Variants in GTF2H4 observed in about 807,000 individuals in gnomAD.
GTF2H4 encodes the protein BTF2 p52.
In GTF2H4, 49 loss-of-function variants were observed where a neutral mutation model predicts 62.2. That is an observed-to-expected ratio of 0.79 (90% CI 0.63 to 1.00). The LOEUF is 1.00. GTF2H4 is among the 50% of genes least tolerant of loss of function. GTF2H4 has a pLI of 0.00. For synonymous variants in GTF2H4, 189 were observed against 233.8 expected, an observed-to-expected ratio of 0.81 and a Z score of 1.75; for missense variants, 479 against 587.8, an observed-to-expected ratio of 0.81 and a Z score of 1.91.
rs895219291 is a variant in GTF2H4, at chr6:30,912,782, G to A, written c.1089+324G>A. On this transcript the variant is annotated intron_variant, in intron 11 of 13. Coordinates refer to ENST00000259895, the MANE Select transcript of GTF2H4 (RefSeq NM_001517.5). This position sits in a 1 kb window ranked among gnomAD's most constrained non-coding sequence, Gnocchi z 4.8. ...GACAGTTCTTACCTCAGGGTTGCCG[G>A]GATAATTCATTGGAAGAATAGGGGC... 1.3e-5 allele frequency among the ~76,000 whole-genome samples: 2 copies of A among 152,042 alleles called. No homozygotes were observed. The highest frequency in any genetic ancestry group is 2.9e-5 in the Non-Finnish European group (2 of 68,002).
rs1299991789 is a variant in GTF2H4, at chr6:30,909,319, G to C, written c.138-116G>C. On this transcript the variant is annotated intron_variant, in intron 2 of 13. Coordinates refer to ENST00000259895, the MANE Select transcript of GTF2H4 (RefSeq NM_001517.5). The surrounding 1 kb of genome is among the most constrained non-coding windows in gnomAD (Gnocchi z 4.3). ...GCTCTAAAGTGTGGAGGCCAAAACA[G>C]CAGGACTGGTAAAGTTGTGCTGGAG... The C allele has an allele frequency of 1.1e-5, 13 of 1,224,700 alleles. No individual in the cohort carries two copies. The South Asian group carries it at 1.4e-4, about 13-fold the overall frequency. 75.9% of individuals were successfully genotyped at this position (1,224,700 alleles called of 1,614,324 possible). A position where few individuals can be genotyped will look rare whatever the true frequency, so the allele number is the denominator to read the frequency against.
At position 30,913,476 on chromosome 6, in the gene GTF2H4, T is replaced by C; in HGVS notation, c.1216+89T>C. 1 of 1,429,664 alleles carries C rather than the reference T, an allele frequency of 7.0e-7. No individual in the cohort carries two copies. Among genetic ancestry groups the C allele is most frequent in the Admixed American group, 2.1e-5 (1 of 47,532 alleles). 88.6% of individuals were successfully genotyped at this position (1,429,664 alleles called of 1,614,324 possible). A position where few individuals can be genotyped will look rare whatever the true frequency, so the allele number is the denominator to read the frequency against. Reference sequence around the variant, plus strand: ...GCATTTTATTTTTTACTTCATGGACTAGGAGAGAAAAGCTGGCAAGACAGT... The same window carrying C: ...GCATTTTATTTTTTACTTCATGGACCAGGAGAGAAAAGCTGGCAAGACAGT... On this transcript the variant is annotated intron_variant, in intron 13 of 13. Coordinates refer to ENST00000259895, the MANE Select transcript of GTF2H4 (RefSeq NM_001517.5). The surrounding 1 kb of genome is among the most constrained non-coding windows in gnomAD (Gnocchi z 4.2).
rs777318019 is a variant in GTF2H4, at chr6:30,913,412, C to A, written c.1216+25C>A. On this transcript the variant is annotated intron_variant, in intron 13 of 13. Coordinates refer to ENST00000259895, the MANE Select transcript of GTF2H4 (RefSeq NM_001517.5). The surrounding 1 kb of genome is among the most constrained non-coding windows in gnomAD (Gnocchi z 4.2). ...GGTGAGTAGCTTCTGGTGGCCAAGT[C>A]TTGGTCATTGGCCAGAGAAAGGGCA... 1 of 1,609,464 alleles carries A rather than the reference C, an allele frequency of 6.2e-7. No homozygotes were observed. Among genetic ancestry groups the A allele is most frequent in the Non-Finnish European group, 8.5e-7 (1 of 1,178,364 alleles).
rs1793777488 is a variant in GTF2H4 at position 30,911,910 on chromosome 6, T to G, written c.826-104T>G. 26 of 1,471,428 alleles carry G rather than the reference T, an allele frequency of 1.8e-5. No homozygotes were observed. In the East Asian group the frequency reaches 5.4e-4, roughly 31 times the overall value. The allele number at this position is 1,471,428 out of a possible 1,614,324, so 91.1% of individuals were successfully genotyped here. ...CTTGGGTCTCTCGGGGGAGAGAAGT[T>G]GGGGGTTGAGGTTCTGCATCTTGGG... On this transcript the variant is annotated intron_variant, in intron 9 of 13. Coordinates refer to ENST00000259895, the MANE Select transcript of GTF2H4 (RefSeq NM_001517.5). The surrounding 1 kb of genome is among the most constrained non-coding windows in gnomAD (Gnocchi z 4.3).
chr6:30,913,723 A>G lies in GTF2H4; in HGVS notation c.1217-88A>G, dbSNP rs1423053699. ...AGCCCAGACCGCGTCCAGGGCTGCC[A>G]CCAAGGAGCTGGGGGGATTCCCAAT... On this transcript the variant is annotated intron_variant, in intron 13 of 13. Coordinates refer to ENST00000259895, the MANE Select transcript of GTF2H4 (RefSeq NM_001517.5). This position sits in a 1 kb window ranked among gnomAD's most constrained non-coding sequence, Gnocchi z 4.2. 6 of 1,295,898 alleles carry G rather than the reference A, an allele frequency of 4.6e-6. No homozygotes were observed. Among genetic ancestry groups the G allele is most frequent in the Non-Finnish European group, 6.3e-6 (6 of 959,142 alleles). 80.3% of individuals were successfully genotyped at this position (1,295,898 alleles called of 1,614,324 possible). A position where few individuals can be genotyped will look rare whatever the true frequency, so the allele number is the denominator to read the frequency against.
In GTF2H4 at chr6:30,912,297, C is replaced by A; in HGVS notation, c.959-31C>A. 6.2e-7 allele frequency: 1 copy of A among 1,611,408 alleles called. No individual in the cohort carries two copies. On this transcript the variant is annotated intron_variant, in intron 10 of 13. Coordinates refer to ENST00000259895, the MANE Select transcript of GTF2H4 (RefSeq NM_001517.5). The surrounding 1 kb of genome is among the most constrained non-coding windows in gnomAD (Gnocchi z 4.8). ...TGAGGGAGTCTGGGTGTGGGGGTGG[C>A]CTCCTCATCCTCTTTCTATCCCTGG...
chr6:30,914,015 GCGGGACTGGGC>G lies in GTF2H4; in HGVS notation c.*33_*43del. ...GGGACTTGGACACGGACCTCGGCGG[GCGGGACTGGGC>G]GGGGCGGGGCATCAGAACTCAGGTG... On this transcript the variant is annotated 3_prime_UTR_variant, in exon 14 of 14. Coordinates refer to ENST00000259895, the MANE Select transcript of GTF2H4 (RefSeq NM_001517.5). 6.6e-7 allele frequency: 1 copy of G among 1,514,240 alleles called. No individual in the cohort carries two copies. Among genetic ancestry groups the G allele is most frequent in the Non-Finnish European group, 9.0e-7 (1 of 1,114,198 alleles). 93.8% of individuals were successfully genotyped at this position (1,514,240 alleles called of 1,614,324 possible). A position where few individuals can be genotyped will look rare whatever the true frequency, so the allele number is the denominator to read the frequency against.
chr6:30,914,101 C>A lies in GTF2H4; in HGVS notation c.*118C>A. Reference sequence around the variant, plus strand: ...TTCTTGTTTAATAAAGTTATGATAGCTAGCAGTGCGGTCCCGGGCGCCTCC... The same window carrying A: ...TTCTTGTTTAATAAAGTTATGATAGATAGCAGTGCGGTCCCGGGCGCCTCC... On this transcript the variant is annotated 3_prime_UTR_variant, in exon 14 of 14. Coordinates refer to ENST00000259895, the MANE Select transcript of GTF2H4 (RefSeq NM_001517.5). 1.9e-6 allele frequency: 2 copies of A among 1,063,610 alleles called. No individual in the cohort carries two copies. The highest frequency in any genetic ancestry group is 3.0e-5 in the East Asian group (1 of 33,756). The allele number at this position is 1,063,610 out of a possible 1,614,324, so 65.9% of individuals were successfully genotyped here.
chr6:30,911,570 GAAGAT>G lies in GTF2H4; in HGVS notation c.741+76_741+80del. ...GTTGTGGGGCAGTAGAGTAGACTGA[GAAGAT>G]AAGAATGAAAACAGAACGAACAGAG... On this transcript the variant is annotated intron_variant, in intron 8 of 13. Transcript: ENST00000259895. The surrounding 1 kb of genome is among the most constrained non-coding windows in gnomAD (Gnocchi z 4.3). 1.5e-6 allele frequency: 2 copies of G among 1,372,512 alleles called. No individual in the cohort carries two copies. Among genetic ancestry groups the G allele is most frequent in the Non-Finnish European group, 2.0e-6 (2 of 983,702 alleles). The allele number at this position is 1,372,512 out of a possible 1,614,324, so 85.0% of individuals were successfully genotyped here.
chr6:30,914,019 GACT>G lies in GTF2H4; in HGVS notation c.*37_*39del. On this transcript the variant is annotated 3_prime_UTR_variant, in exon 14 of 14. Transcript: ENST00000259895. The stretch of plus-strand genomic sequence containing the variant: ...CTTGGACACGGACCTCGGCGGGCGG[GACT>G]GGGCGGGGCGGGGCATCAGAACTCA... 4.5e-6 allele frequency: 6 copies of G among 1,329,132 alleles called. No homozygotes were observed. Among genetic ancestry groups the G allele is most frequent in the Non-Finnish European group, 6.3e-6 (6 of 947,398 alleles). The allele number at this position is 1,329,132 out of a possible 1,614,324, so 82.3% of individuals were successfully genotyped here.
At position 30,911,335 on chromosome 6, in the gene GTF2H4, C is replaced by G; in HGVS notation, c.672+66C>G. On this transcript the variant is annotated intron_variant, in intron 7 of 13. Coordinates refer to ENST00000259895, the MANE Select transcript of GTF2H4 (RefSeq NM_001517.5). The surrounding 1 kb of genome is among the most constrained non-coding windows in gnomAD (Gnocchi z 4.3). Reference sequence around the variant, plus strand: ...CTCAGGTCTCACTGAGAGACTCCTGCCTACAGACTGTTCCCTGATTTTCTC... The same window carrying G: ...CTCAGGTCTCACTGAGAGACTCCTGGCTACAGACTGTTCCCTGATTTTCTC... The G allele has an allele frequency of 6.6e-7, 1 of 1,515,160 alleles. No individual in the cohort carries two copies. The highest frequency in any genetic ancestry group is 1.1e-5 in the South Asian group (1 of 89,180). The allele number at this position is 1,515,160 out of a possible 1,614,324, so 93.9% of individuals were successfully genotyped here. A position where few individuals can be genotyped will look rare whatever the true frequency, so the allele number is the denominator to read the frequency against.
Position 30,913,420 on chromosome 6 carries a change from T to C in GTF2H4, c.1216+33T>C. 3 of 1,607,392 alleles carry C rather than the reference T, an allele frequency of 1.9e-6. No individual in the cohort carries two copies. The highest frequency in any genetic ancestry group is 2.5e-6 in the Non-Finnish European group (3 of 1,177,346). On this transcript the variant is annotated intron_variant, in intron 13 of 13. Coordinates refer to ENST00000259895, the MANE Select transcript of GTF2H4 (RefSeq NM_001517.5). The surrounding 1 kb of genome is among the most constrained non-coding windows in gnomAD (Gnocchi z 4.2). ...GCTTCTGGTGGCCAAGTCTTGGTCA[T>C]TGGCCAGAGAAAGGGCAGACAGTTC...
In GTF2H4 at chr6:30,914,103, A is replaced by C. The variant is rs1370830416; in HGVS notation, c.*120A>C. The C allele has an allele frequency of 9.6e-7, 1 of 1,044,280 alleles. No individual in the cohort carries two copies. The highest frequency in any genetic ancestry group is 1.7e-5 in the African/African-American group (1 of 60,314). 64.7% of individuals were successfully genotyped at this position (1,044,280 alleles called of 1,614,324 possible). On this transcript the variant is annotated 3_prime_UTR_variant, in exon 14 of 14. Transcript: ENST00000259895. ...CTTGTTTAATAAAGTTATGATAGCT[A>C]GCAGTGCGGTCCCGGGCGCCTCCCC...
At position 30,908,928 on chromosome 6, in the gene GTF2H4, A is replaced by G. The variant is rs1038289981; in HGVS notation, c.-3-106A>G. On this transcript the variant is annotated intron_variant, in intron 1 of 13. Coordinates refer to ENST00000259895, the MANE Select transcript of GTF2H4 (RefSeq NM_001517.5). ...GACATGGGAAAGGAGACCACAGAAA[A>G]GGTGGGGTTATTGTGGGGACTGATG... 5.6e-6 allele frequency: 7 copies of G among 1,252,888 alleles called. No homozygotes were observed. In the African/African-American group the frequency reaches 8.8e-5, roughly 16 times the overall value. 77.6% of individuals were successfully genotyped at this position (1,252,888 alleles called of 1,614,324 possible).
In GTF2H4 at chr6:30,910,914, T is replaced by A. The variant is rs370901099; in HGVS notation, c.533T>A (p.Leu178His). 6 of 1,610,558 alleles carry A rather than the reference T, an allele frequency of 3.7e-6. No individual in the cohort carries two copies. In the African/African-American group the frequency reaches 5.3e-5, roughly 14 times the overall value. ...GCTGTCAGCCAGGACTTGGCTCAGC[T>A]CCTCAGCCAGGCTGGGCTCATGAAG... ...SAAVSQDLAQ[L>H]LSQAGLMKST... The change falls in exon 6 of 14, where the codon CTC becomes CAC. Residue 178 changes from leucine to histidine, a missense_variant. Leu to His is a moderately conservative substitution (Grantham distance 99, BLOSUM62 -3). Coordinates refer to ENST00000259895, the MANE Select transcript of GTF2H4 (RefSeq NM_001517.5). This position sits in a 1 kb window ranked among gnomAD's most constrained non-coding sequence, Gnocchi z 4.7.
Position 30,911,082 on chromosome 6 carries a change from A to C in GTF2H4, c.561-76A>C, listed in dbSNP as rs1055928137. 7.2e-7 allele frequency: 1 copy of C among 1,392,748 alleles called. No individual in the cohort carries two copies. 86.3% of individuals were successfully genotyped at this position (1,392,748 alleles called of 1,614,324 possible). ...TAGAATATAGCCAGAGATACCAAGA[A>C]AAAACGTGAGTGGACAAGTGGGGAT... On this transcript the variant is annotated intron_variant, in intron 6 of 13. Transcript: ENST00000259895. The surrounding 1 kb of genome is among the most constrained non-coding windows in gnomAD (Gnocchi z 4.3).
chr6:30,913,305 G>A lies in GTF2H4; in HGVS notation c.1138-4G>A. ...TCCCTACAGTCAACCCTTGCTCCTTGCAGACACCTGTGCTGCCCCCCACCA... is the reference window on the plus strand; with the variant it reads ...TCCCTACAGTCAACCCTTGCTCCTTACAGACACCTGTGCTGCCCCCCACCA... On this transcript the variant is annotated splice_polypyrimidine_tract_variant and splice_region_variant and intron_variant, in intron 12 of 13. Transcript: ENST00000259895. The surrounding 1 kb of genome is among the most constrained non-coding windows in gnomAD (Gnocchi z 4.2). 1 of 1,613,852 alleles carries A rather than the reference G, an allele frequency of 6.2e-7. No homozygotes were observed. Among genetic ancestry groups the A allele is most frequent in the Admixed American group, 1.7e-5 (1 of 60,002 alleles).
rs541866608 is a variant in GTF2H4, at chr6:30,909,261, C to T, written c.137+88C>T. ...AGGTAAAAGTGTAGCAGCCTGGAGT[C>T]GGGGTGGGGACTGGGGGCAAGGGTT... is the stretch of plus-strand genomic sequence containing the variant. On this transcript the variant is annotated intron_variant, in intron 2 of 13. Coordinates refer to ENST00000259895, the MANE Select transcript of GTF2H4 (RefSeq NM_001517.5). This position sits in a 1 kb window ranked among gnomAD's most constrained non-coding sequence, Gnocchi z 4.3. 9 of 1,470,668 alleles carry T rather than the reference C, an allele frequency of 6.1e-6. No homozygotes were observed. The highest frequency in any genetic ancestry group is 2.8e-5 in the African/African-American group (2 of 71,478). The allele number at this position is 1,470,668 out of a possible 1,614,324, so 91.1% of individuals were successfully genotyped here. A position where few individuals can be genotyped will look rare whatever the true frequency, so the allele number is the denominator to read the frequency against.
Position 30,909,342 on chromosome 6 carries a change from G to C in GTF2H4, c.138-93G>C, listed in dbSNP as rs1793672876. Reference sequence around the variant, plus strand: ...CAGCAGGACTGGTAAAGTTGTGCTGGAGTGAGATGAGATGTTTGAGAGGTA... The same window carrying C: ...CAGCAGGACTGGTAAAGTTGTGCTGCAGTGAGATGAGATGTTTGAGAGGTA... On this transcript the variant is annotated intron_variant, in intron 2 of 13. Coordinates refer to ENST00000259895, the MANE Select transcript of GTF2H4 (RefSeq NM_001517.5). The surrounding 1 kb of genome is among the most constrained non-coding windows in gnomAD (Gnocchi z 4.3). 1 of 1,207,236 alleles carries C rather than the reference G, an allele frequency of 8.3e-7. No individual in the cohort carries two copies. Among genetic ancestry groups the C allele is most frequent in the Non-Finnish European group, 1.2e-6 (1 of 834,692 alleles). The allele number at this position is 1,207,236 out of a possible 1,614,324, so 74.8% of individuals were successfully genotyped here.
Sources: gnomAD v4.1 joint callset for allele counts (sites outside exome capture counted in the v4.1 genomes callset) on GRCh38, gnomAD v4.1.1 for gene constraint, Gnocchi (gnomAD v3.1) non-coding constraint, MANE v1.5 for transcripts, NCBI Gene and HGNC (gene_info 2026-07-23, HGNC 2026-07-21) for gene names.